The following ADGRL2 variants were observed in gnomAD, a reference collection of about 807,000 sequenced individuals.
The protein encoded by ADGRL2 is adhesion G protein-coupled receptor L2.
Under a neutral mutation model 157.4 loss-of-function variants are expected in ADGRL2, and 44 were observed. That is an observed-to-expected ratio of 0.28 (90% confidence interval 0.22 to 0.36). ADGRL2 has a LOEUF of 0.36. ADGRL2 is among the 10% of genes least tolerant of loss of function. The probability of loss-of-function intolerance (pLI) is 1.00; values close to 1 mark genes in which losing one functional copy is unlikely to be tolerated. For missense variants in ADGRL2, 1,510 were observed against 1,768.9 expected (o/e 0.85, Z 2.63); for synonymous variants, 585 against 624.7 (o/e 0.94, Z 0.95).
chr1:81,919,132 T>C lies in ADGRL2; in HGVS notation c.287+11902T>C, dbSNP rs373907979. ...ATTGTATCTTTAGATATCTTCTTTG[T>C]ATTTCAGAGATTTAGGATTTGGGAG... On this transcript the variant is annotated intron_variant, in intron 3 of 23. Transcript: ENST00000686636. 1.6e-4 allele frequency among the ~76,000 whole-genome samples: 25 copies of C among 152,278 alleles called. No homozygotes were observed. The East Asian group carries it at 3.1e-3, about 19-fold the overall frequency.
chr1:81,957,940 C>T (rs1311192892), intron 11 of ADGRL2, among the ~76,000 whole-genome samples: 4 of 151,460 alleles, frequency 2.6e-5, no homozygotes. Context: ...CCGAGGCAGG[C>T]GGATGAGGTC....
intron 1 of ADGRL2, among the ~76,000 whole-genome samples, chr1:81,399,141 A>T (rs575804999): frequency 6.6e-6 from 1 of 152,274 alleles, no homozygotes; most frequent in African/African-American, 2.4e-5. Context: ...AGAGAGAGAG[A>T]GTGATGGAGG....
chr1:81,673,484 C>T (rs2082915172), intron 3 of ADGRL2, among the ~76,000 whole-genome samples: 2 of 151,312 alleles, frequency 1.3e-5, no homozygotes, highest in Non-Finnish European at 2.9e-5. Flanking sequence ...GAAGGTGAGC[C>T]CTGAGGAACA....
intron 2 of ADGRL2, among the ~76,000 whole-genome samples, chr1:81,463,065 T>C (rs1557707380): frequency 7.1e-6 from 1 of 141,338 alleles, no homozygotes; most frequent in South Asian, 2.2e-4. Flanking sequence ...CAGTGAGCTG[T>C]GATTGCACCA....
chr1:81,936,479 A>G (rs1441828307), intron 3 of ADGRL2, among the ~76,000 whole-genome samples: 1 of 151,904 alleles, frequency 6.6e-6, no homozygotes, highest in Non-Finnish European at 1.5e-5. Flanking sequence ...CAATGATAGG[A>G]AACTGTTGGC....
intron 3 of ADGRL2, among the ~76,000 whole-genome samples, chr1:81,931,836 G>A (rs1026191138): frequency 2.0e-5 from 3 of 152,056 alleles, no homozygotes; most frequent in Non-Finnish European, 2.9e-5. Flanking sequence ...GTTTTGCCAT[G>A]TTACCCAAGC....
chr1:81,679,770 C>T (rs2083070821), intron 3 of ADGRL2, among the ~76,000 whole-genome samples: 1 of 152,034 alleles, frequency 6.6e-6, no homozygotes, highest in Admixed American at 6.5e-5. Context: ...ACTGGAAGTA[C>T]CTCATGCTAA....
At chr1:81,875,365 A>C (rs2093811682) in intron 2 of ADGRL2, among the ~76,000 whole-genome samples, 1 of 152,160 alleles carries the variant, frequency 6.6e-6, no homozygotes, top group Non-Finnish European at 1.5e-5. Flanking sequence ...ATATATAGGA[A>C]AATAAAGATC....
At chr1:81,936,114 TA>T (rs1279386112) in intron 3 of ADGRL2, among the ~76,000 whole-genome samples, 1 of 151,918 alleles carries the variant, frequency 6.6e-6, no homozygotes, top group Non-Finnish European at 1.5e-5. Context: ...CTAAATCCTT[TA>T]AATGCACTTT....
intron 18 of ADGRL2, among the ~76,000 whole-genome samples, chr1:81,980,526 A>C (rs1572494793): frequency 6.6e-6 from 1 of 151,940 alleles, no homozygotes; most frequent in East Asian, 1.9e-4. Flanking sequence ...TTATGGAAAC[A>C]TTTTCAGAGT....
chr1:81,415,494 T>TA (rs1053114269), intron 1 of ADGRL2, among the ~76,000 whole-genome samples: 4 of 152,216 alleles, frequency 2.6e-5, no homozygotes, highest in Middle Eastern at 3.4e-3. Context: ...GAGGGGTCCC[T>TA]AAAAAAAGAT....
intron 1 of ADGRL2, among the ~76,000 whole-genome samples, chr1:81,702,836 A>G (rs2083616487): frequency 6.6e-6 from 1 of 152,222 alleles, no homozygotes; most frequent in South Asian, 2.1e-4. Context: ...TATGAAAGGA[A>G]CCATATTCAC....
At chr1:81,928,799 A>C (rs536180161) in intron 3 of ADGRL2, among the ~76,000 whole-genome samples, 5 of 152,090 alleles carry the variant, frequency 3.3e-5, no homozygotes, top group African/African-American at 1.2e-4. Context: ...ACTTGGCACT[A>C]TGAAAAGGAG....
At chr1:81,481,572 G>A (rs527890534) in intron 2 of ADGRL2, among the ~76,000 whole-genome samples, 12 of 152,246 alleles carry the variant, frequency 7.9e-5, no homozygotes, top group African/African-American at 2.4e-4. Context: ...ACCAAAAGTC[G>A]TGTTTCGTTA....
intron 3 of ADGRL2, among the ~76,000 whole-genome samples, chr1:81,645,714 T>C (rs930453675): frequency 6.6e-6 from 1 of 152,186 alleles, no homozygotes; most frequent in Non-Finnish European, 1.5e-5. Flanking sequence ...CTACCTAGTG[T>C]GTCATGATAT....
intron 1 of ADGRL2, among the ~76,000 whole-genome samples, chr1:81,739,281 A>G (rs1218539823): frequency 6.6e-6 from 1 of 152,188 alleles, no homozygotes; most frequent in African/African-American, 2.4e-5. Flanking sequence ...AAATTATTTA[A>G]CTGATGCCTC....
chr1:81,552,253 T>A (rs1268369452), intron 2 of ADGRL2, among the ~76,000 whole-genome samples: 2 of 152,134 alleles, frequency 1.3e-5, no homozygotes, highest in Non-Finnish European at 2.9e-5. Flanking sequence ...ATTAGGTAGA[T>A]AAACTCCTGA....
At chr1:81,535,519 T>C (rs540312143) in intron 2 of ADGRL2, among the ~76,000 whole-genome samples, 2 of 152,174 alleles carry the variant, frequency 1.3e-5, no homozygotes, top group South Asian at 2.1e-4. Context: ...CTTTTCAAAA[T>C]TGAATTTGTA....
intron 1 of ADGRL2, among the ~76,000 whole-genome samples, chr1:81,444,118 A>C (rs1035332503): frequency 1.3e-5 from 2 of 152,196 alleles, no homozygotes; most frequent in Non-Finnish European, 2.9e-5. Context: ...GCCAATGTAT[A>C]ATAATCCCTT....
Sources: allele counts gnomAD v4.1 joint callset (sites outside exome capture counted in the v4.1 genomes callset), GRCh38; gene constraint gnomAD v4.1.1; transcripts MANE v1.5; gene names NCBI Gene and HGNC (gene_info 2026-07-23, HGNC 2026-07-21).